The following DNER variants were observed in gnomAD, a reference collection of about 807,000 sequenced individuals.
DNER encodes delta and Notch-like epidermal growth factor-related receptor.
In DNER, 33 loss-of-function variants were observed where a neutral mutation model predicts 78.2. That is an observed-to-expected ratio of 0.42 (90% confidence interval 0.32 to 0.56). The LOEUF (loss-of-function observed/expected upper bound fraction) is 0.56. Among genes scored for constraint, DNER ranks in the 20% least tolerant of loss-of-function variants. The pLI, the probability that DNER is intolerant of heterozygous loss-of-function variation, is 0.11. For missense variants in DNER, 918 were observed against 975.3 expected, an observed-to-expected ratio of 0.94 and a Z score of 0.78; for synonymous variants, 417 against 384.8, an observed-to-expected ratio of 1.08 and a Z score of -0.98.
chr2:229,523,416 G>A (rs1399931824), intron 5 of DNER, among the ~76,000 whole-genome samples: 1 of 152,190 alleles, frequency 6.6e-6, no homozygotes, highest in Non-Finnish European at 1.5e-5. Context: ...TTCTCCTGAG[G>A]CCTCTCTCCT....
chr2:229,516,255 T>C (rs1695968824), intron 5 of DNER, among the ~76,000 whole-genome samples: 1 of 152,186 alleles, frequency 6.6e-6, no homozygotes, highest in African/African-American at 2.4e-5. Flanking sequence ...TATTAAAAAG[T>C]TTGTTTTGAT....
chr2:229,404,544 G>A (rs1693339860), intron 10 of DNER, among the ~76,000 whole-genome samples: 1 of 152,204 alleles, frequency 6.6e-6, no homozygotes. Flanking sequence ...TGAGATTTGG[G>A]TGGGAACACA....
At chr2:229,658,384 T>C (rs1438571634) in intron 1 of DNER, among the ~76,000 whole-genome samples, 1 of 152,228 alleles carries the variant, frequency 6.6e-6, no homozygotes, top group Non-Finnish European at 1.5e-5. Flanking sequence ...GAACATGTCC[T>C]TCCTGCTCAA....
intron 6 of DNER, among the ~76,000 whole-genome samples, chr2:229,483,769 G>A (rs1695215942): frequency 6.6e-6 from 1 of 152,118 alleles, no homozygotes; most frequent in Non-Finnish European, 1.5e-5. Context: ...TCTTTCATTA[G>A]TTAGCTCTAA....
intron 4 of DNER, among the ~76,000 whole-genome samples, chr2:229,557,135 GA>G (rs1289088522): frequency 6.6e-6 from 1 of 152,170 alleles, no homozygotes; most frequent in Non-Finnish European, 1.5e-5. Flanking sequence ...AATCTGAAAT[GA>G]AATAGAATTC....
intron 1 of DNER, among the ~76,000 whole-genome samples, chr2:229,663,447 G>A (rs1699040072): frequency 6.6e-6 from 1 of 152,202 alleles, no homozygotes; most frequent in South Asian, 2.1e-4. Context: ...ATCCAACGAA[G>A]TGATTTCCGT....
chr2:229,441,520 C>T (rs974534930), intron 8 of DNER, among the ~76,000 whole-genome samples: 3 of 152,062 alleles, frequency 2.0e-5, no homozygotes, highest in Non-Finnish European at 4.4e-5. Context: ...GGAGATTTCA[C>T]TCTAGAGTGA....
At chr2:229,564,232 CCAT>C (rs1243066222) in intron 4 of DNER, among the ~76,000 whole-genome samples, 2 of 144,924 alleles carry the variant, frequency 1.4e-5, no homozygotes, top group African/African-American at 5.1e-5. Context: ...CACCTCATCT[CCAT>C]CATCAACATC....
intron 1 of DNER, among the ~76,000 whole-genome samples, chr2:229,665,620 A>T (rs572897793): frequency 2.0e-5 from 3 of 152,344 alleles, no homozygotes; most frequent in Non-Finnish European, 4.4e-5. Flanking sequence ...CAATAATAAA[A>T]AATGCCAAAT....
intron 1 of DNER, among the ~76,000 whole-genome samples, chr2:229,602,331 T>A (rs997322578): frequency 3.9e-5 from 6 of 152,164 alleles, no homozygotes; most frequent in Non-Finnish European, 5.9e-5. Context: ...AGAAGGAAAT[T>A]TCTTTTATCT....
At chr2:229,375,991 T>C (rs776453981) in intron 11 of DNER, among the ~76,000 whole-genome samples, 2 of 152,170 alleles carry the variant, frequency 1.3e-5, no homozygotes, top group Non-Finnish European at 2.9e-5. Flanking sequence ...TATAAGGGGT[T>C]CTTCCCTATT....
At chr2:229,379,651 G>C (rs73096291) in intron 11 of DNER, among the ~76,000 whole-genome samples, 1 of 152,112 alleles carries the variant, frequency 6.6e-6, no homozygotes, top group South Asian at 2.1e-4. Flanking sequence ...TGCCCTAAAG[G>C]CACAAAGTGT....
At position 229,358,635 on chromosome 2, in the gene DNER, G is replaced by A. The variant is rs201404779; in HGVS notation, c.2119C>T (p.Arg707Trp). The stretch of plus-strand genomic sequence containing the variant: ...GGGCTCACATCATACATTGCAGGCC[G>A]GGATTTCTTTCCAAACCTGAAATCA... ...IRHARFGKKS[R>W]PAMYDVSPIA... Residue 707 changes from arginine to tryptophan, a missense_variant, in exon 13 of 13, where the codon CGG becomes TGG. By Grantham distance (101) the Arg-to-Trp change is moderately radical. Transcript: ENST00000341772. The A allele has an allele frequency of 1.4e-5, 23 of 1,613,192 alleles. No individual in the cohort carries two copies. Among genetic ancestry groups the A allele is most frequent in the South Asian group, 1.3e-4 (12 of 90,858 alleles).
intron 10 of DNER, among the ~76,000 whole-genome samples, chr2:229,401,478 G>T (rs1188844812): frequency 6.6e-6 from 1 of 151,776 alleles, no homozygotes; most frequent in African/African-American, 2.4e-5. Flanking sequence ...CCATACTTTG[G>T]AATACTGCTC....
intron 7 of DNER, among the ~76,000 whole-genome samples, chr2:229,454,975 G>A (rs1363949837): frequency 6.6e-6 from 1 of 151,336 alleles, no homozygotes; most frequent in Admixed American, 6.6e-5. Flanking sequence ...TTGAAGAGAT[G>A]AATGTGAGGT....
chr2:229,554,895 GAGAAGAGAAGAGAAGAGA>G (rs1696822724), intron 4 of DNER, among the ~76,000 whole-genome samples: 3 of 92,720 alleles, frequency 3.2e-5, no homozygotes, highest in African/African-American at 1.2e-4. Context: ...GAGAAGAGAA[GAGAAGAGAAGAGAAGAGA>G]AGAGAAGAGA....
intron 5 of DNER, among the ~76,000 whole-genome samples, chr2:229,515,958 G>C (rs1041082308): frequency 2.6e-5 from 4 of 152,102 alleles, no homozygotes; most frequent in Non-Finnish European, 5.9e-5. Flanking sequence ...AGTTAGCTTT[G>C]ATTGAATTTA....
intron 1 of DNER, among the ~76,000 whole-genome samples, chr2:229,622,185 A>C (rs1043239364): frequency 6.6e-6 from 1 of 152,242 alleles, no homozygotes; most frequent in Non-Finnish European, 1.5e-5. Context: ...AATTCTCATC[A>C]GATTTTCAAA....
chr2:229,429,076 G>A (rs773223412), intron 8 of DNER, among the ~76,000 whole-genome samples: 12 of 152,280 alleles, frequency 7.9e-5, no homozygotes, highest in Admixed American at 2.6e-4. Context: ...TCCAACTGGC[G>A]TAATGACCTT....
Sources: allele counts gnomAD v4.1 joint callset (sites outside exome capture counted in the v4.1 genomes callset), GRCh38; gene constraint gnomAD v4.1.1; transcripts MANE v1.5; gene names NCBI Gene and HGNC (gene_info 2026-07-23, HGNC 2026-07-21).